The following DOCK2 variants were observed in gnomAD, a reference collection of about 807,000 sequenced individuals.
The protein encoded by DOCK2 is dedicator of cytokinesis protein 2.
DOCK2 carries 87 observed loss-of-function variants against 248.9 expected under a neutral mutation model. That is an observed-to-expected ratio of 0.35 (90% confidence interval 0.29 to 0.42). The LOEUF is 0.42. Ranked by LOEUF, DOCK2 falls within the 10% of genes least tolerant of loss-of-function variation. The probability of loss-of-function intolerance (pLI) is 1.00; values close to 1 mark genes in which losing one functional copy is unlikely to be tolerated. For missense variants in DOCK2, 1,747 were observed against 2,300.2 expected (o/e 0.76, Z 4.92); for synonymous variants, 805 against 821.6 (o/e 0.98, Z 0.35).
intron 27 of DOCK2, among the ~76,000 whole-genome samples, chr5:169,879,713 G>T (rs991554632): frequency 6.6e-6 from 1 of 152,064 alleles, no homozygotes; most frequent in African/African-American, 2.4e-5. Flanking sequence ...CTTTTAATTC[G>T]GTTTAGAATA....
At position 169,937,195 on chromosome 5, in the gene DOCK2, C is replaced by A. The variant is rs144576827; in HGVS notation, c.2800-45873C>A. On this transcript the variant is annotated intron_variant, in intron 27 of 51. Transcript: ENST00000520908. ...TCCAGAGCTGCTTTCAAACCACCAT[C>A]AAAAATTTGAGGAGTTGAGTAGTGG... 2.6e-5 allele frequency among the ~76,000 whole-genome samples: 4 copies of A among 152,318 alleles called. No individual in the cohort carries two copies. The East Asian group carries it at 7.7e-4, about 29-fold the overall frequency.
At chr5:169,786,377 G>T (rs996952214) in intron 25 of DOCK2, among the ~76,000 whole-genome samples, 3 of 152,124 alleles carry the variant, frequency 2.0e-5, no homozygotes, top group African/African-American at 7.2e-5. Flanking sequence ...CCTGTCTGCC[G>T]GTGTTTTCCT....
chr5:169,936,703 C>T (rs1204149637), intron 27 of DOCK2, among the ~76,000 whole-genome samples: 1 of 150,878 alleles, frequency 6.6e-6, no homozygotes, highest in African/African-American at 2.4e-5. Context: ...TCCTGGGGGG[C>T]GCGCTCCAGC....
chr5:169,973,064 C>T (rs17646884), intron 27 of DOCK2, among the ~76,000 whole-genome samples: 37,981 of 152,094 alleles, frequency 0.25, 5,113 homozygotes, highest in Non-Finnish European at 0.3. Flanking sequence ...GAGACCTTCA[C>T]TCCTCTTCAC....
Position 170,057,464 on chromosome 5 carries a change from G to T in DOCK2, c.4381-116G>T. 3 of 800,940 alleles carry T rather than the reference G, an allele frequency of 3.7e-6. No homozygotes were observed. The South Asian group carries it at 4.3e-5, about 11-fold the overall frequency. 49.6% of individuals were successfully genotyped at this position (800,940 alleles called of 1,614,324 possible). Reference sequence around the variant, plus strand: ...GTCTTGCAATATTTATTCTGCTTTCGGGTAGATGGGAGGCCCGGGGACCTG... The same window carrying T: ...GTCTTGCAATATTTATTCTGCTTTCTGGTAGATGGGAGGCCCGGGGACCTG... On this transcript the variant is annotated intron_variant, in intron 43 of 51. Coordinates refer to ENST00000520908, the MANE Select transcript of DOCK2 (RefSeq NM_004946.3).
At chr5:169,892,743 T>A (rs140924242) in intron 27 of DOCK2, among the ~76,000 whole-genome samples, 104 of 152,322 alleles carry the variant, frequency 6.8e-4, no homozygotes, top group African/African-American at 2.4e-3. Flanking sequence ...AATAAAATGT[T>A]TCAGGTGTGC....
intron 25 of DOCK2, among the ~76,000 whole-genome samples, chr5:169,769,334 G>A (rs1764961443): frequency 6.6e-6 from 1 of 152,082 alleles, no homozygotes; most frequent in African/African-American, 2.4e-5. Flanking sequence ...AGGGGATGTT[G>A]GTACACACAA....
chr5:169,660,230 A>C (rs1471023740), intron 2 of DOCK2, among the ~76,000 whole-genome samples: 1 of 152,140 alleles, frequency 6.6e-6, no homozygotes, highest in East Asian at 1.9e-4. Flanking sequence ...CTACCTCCAA[A>C]GGCTGACGTG....
intron 44 of DOCK2, among the ~76,000 whole-genome samples, chr5:170,057,934 G>C (rs1341646731): frequency 6.6e-6 from 1 of 152,026 alleles, no homozygotes; most frequent in Non-Finnish European, 1.5e-5. Context: ...GCTTCTGTTG[G>C]GTGGGTGGGG....
At chr5:169,971,010 C>T (rs1184316363) in intron 27 of DOCK2, among the ~76,000 whole-genome samples, 4 of 152,162 alleles carry the variant, frequency 2.6e-5, no homozygotes, top group South Asian at 2.1e-4. Flanking sequence ...GGAGGACCTG[C>T]GTTCATGCCA....
chr5:169,788,639 A>AGCTCATGTT (rs1766137155), intron 25 of DOCK2, among the ~76,000 whole-genome samples: 2 of 152,172 alleles, frequency 1.3e-5, no homozygotes, highest in Admixed American at 1.3e-4. Flanking sequence ...GGGCAGTTGG[A>AGCTCATGTT]GCTCATGTTG....
intron 27 of DOCK2, among the ~76,000 whole-genome samples, chr5:169,909,609 A>G (rs1043436551): frequency 3.3e-5 from 5 of 152,186 alleles, no homozygotes; most frequent in African/African-American, 9.7e-5. Context: ...TAGTTACTTG[A>G]CCAACATACA....
At chr5:170,026,002 A>G (rs73800272) in intron 33 of DOCK2, among the ~76,000 whole-genome samples, 15,269 of 151,192 alleles carry the variant, frequency 0.1, 909 homozygotes, top group Admixed American at 0.14. Context: ...TCACAGTCCT[A>G]CCCATTTTTC....
At chr5:169,832,395 G>A (rs1270215343) in intron 26 of DOCK2, among the ~76,000 whole-genome samples, 1 of 152,214 alleles carries the variant, frequency 6.6e-6, no homozygotes, top group African/African-American at 2.4e-5. Context: ...CCTGGCACAT[G>A]GGGTGGGGAC....
chr5:169,943,794 CT>C (rs994040440), intron 27 of DOCK2, among the ~76,000 whole-genome samples: 16 of 152,166 alleles, frequency 1.1e-4, no homozygotes, highest in African/African-American at 3.9e-4. Flanking sequence ...GTCCAGGGAC[CT>C]GTGTTTTAGC....
At chr5:169,694,112 T>C (rs994193297) in intron 9 of DOCK2, among the ~76,000 whole-genome samples, 17 of 152,190 alleles carry the variant, frequency 1.1e-4, no homozygotes, top group African/African-American at 4.1e-4. Flanking sequence ...CTTGCCCTGT[T>C]CCCAGAGACT....
In DOCK2 at chr5:169,711,961, G is replaced by C. The variant is rs369688871; in HGVS notation, c.1509G>C (p.Gln503His). ...VKVAVPIEDM[Q>H]RIHLRFMFRH... ...TGGCTGTCCCTATTGAAGACATGCA[G>C]AGGATCCATCTGCGATTCATGTTTC... Residue 503 changes from glutamine (Q) to histidine (H), a missense_variant, in exon 16 of 52, where the codon CAG becomes CAC. This residue lies in a region of DOCK2 where 858 missense variants were observed against 1,183.5 expected (regional missense o/e 0.72). Coordinates refer to ENST00000520908, the MANE Select transcript of DOCK2 (RefSeq NM_004946.3). The C allele has an allele frequency of 2.7e-5, 43 of 1,613,972 alleles. No homozygotes were observed. Among genetic ancestry groups the C allele is most frequent in the Non-Finnish European group, 1.8e-5 (21 of 1,179,972 alleles).
chr5:169,698,736 C>T (rs1009719152), intron 11 of DOCK2, among the ~76,000 whole-genome samples: 1 of 152,212 alleles, frequency 6.6e-6, no homozygotes, highest in Non-Finnish European at 1.5e-5. Flanking sequence ...ACAAGATGGG[C>T]CCTGTCTTCA....
chr5:169,711,847 G>A (rs1761603409), intron 15 of DOCK2, 88 bp from the exon 16 acceptor site: 2 of 1,415,688 alleles, frequency 1.4e-6, no homozygotes, highest in Admixed American at 1.7e-5. Context: ...CAGTTAAATG[G>A]TCAGGCTGCT....
Sources: allele counts gnomAD v4.1 joint callset (sites outside exome capture counted in the v4.1 genomes callset), GRCh38; gene constraint gnomAD v4.1.1; regional missense constraint gnomAD v4.1.1; transcripts MANE v1.5; gene names NCBI Gene and HGNC (gene_info 2026-07-23, HGNC 2026-07-21).